Variants in MGAM observed in about 807,000 individuals in gnomAD.
MGAM encodes alpha-1,4-glucosidase.
A neutral mutation model predicts 358.8 loss-of-function variants in MGAM; 253 were observed. The ratio of observed to expected loss-of-function variants is 0.71; its 90% CI spans 0.64 to 0.78. The LOEUF is 0.78. MGAM is among the 30% of genes least tolerant of loss of function. The probability of loss-of-function intolerance (pLI) is 0.00; values close to 1 mark genes in which losing one functional copy is unlikely to be tolerated. For synonymous variants in MGAM, 1,105 were observed against 1,227.1 expected (o/e 0.90, Z 2.08); for missense variants, 3,080 against 3,432.6 (o/e 0.90, Z 2.57).
At chr7:142,070,195 G>GAA (rs34471297) in intron 43 of MGAM, among the ~76,000 whole-genome samples, 1 of 111,242 alleles carries the variant, frequency 9.0e-6, no homozygotes, top group Admixed American at 9.3e-5. Flanking sequence ...TTTGTCTCAA[G>GAA]AAAAAAAAAA....
Position 142,065,778 on chromosome 7 carries a change from C to A in MGAM, c.4717C>A (p.Gln1573Lys), listed in dbSNP as rs1157384444. The change falls in exon 40 of 71, where the codon CAG (glutamine) becomes AAG (lysine). Residue 1573 changes from glutamine to lysine, a missense_variant. Around this residue, in one of 5 missense-constraint regions of MGAM, gnomAD observed 134 missense variants for 198.4 expected, o/e 0.68. Transcript: ENST00000475668. ...AEYEMCVRWM[Q>K]LGAFYPFSRN... ...GTACGAGATGTGTGTTCGCTGGATG[C>A]AGCTGGGGGCCTTTTACCCCTTCTC... 1 of 1,556,248 alleles carries A rather than the reference C, an allele frequency of 6.4e-7. No individual in the cohort carries two copies. Among genetic ancestry groups the A allele is most frequent in the Non-Finnish European group, 8.8e-7 (1 of 1,132,676 alleles).
In MGAM at chr7:142,034,716, C is replaced by A; in HGVS notation, c.1834C>A (p.Arg612Ser). 1 of 1,613,560 alleles carries A rather than the reference C, an allele frequency of 6.2e-7. No individual in the cohort carries two copies. The highest frequency in any genetic ancestry group is 2.2e-5 in the East Asian group (1 of 44,838). ...TAATAAGAGAAGCTTCATTCTGACC[C>A]GTTCTACCTTTGCGGGCTCTGGCAA... ...FPNKRSFILT[R>S]STFAGSGKFA... Residue 612 changes from arginine (R) to serine (S), a missense_variant, in exon 16 of 71, where the codon CGT becomes AGT. By Grantham distance (110) the Arg-to-Ser change is moderately radical. This residue lies in a region of MGAM where 1,816 missense variants were observed against 1,840.5 expected (regional missense o/e 0.99). Transcript: ENST00000475668.
rs376774104 is a variant in MGAM at position 142,099,765 on chromosome 7, T to C, written c.7874+28T>C. Reference sequence around the variant, plus strand: ...AAGTGACAGGACTCAGGTTTTCCTTTACATGTCAGTTAGCTCAACAATTTG... The same window carrying C: ...AAGTGACAGGACTCAGGTTTTCCTTCACATGTCAGTTAGCTCAACAATTTG... On this transcript the variant is annotated intron_variant, in intron 67 of 70. Transcript: ENST00000475668. 4 of 1,610,766 alleles carry C rather than the reference T, an allele frequency of 2.5e-6. No individual in the cohort carries two copies. The African/African-American group carries it at 5.3e-5, about 22-fold the overall frequency.
chr7:142,096,442 G>C (rs775836717), intron 65 of MGAM, 27 bp downstream of exon 65: 2 of 1,611,766 alleles, frequency 1.2e-6, no homozygotes, highest in East Asian at 4.5e-5. Flanking sequence ...CCGATGAGGG[G>C]AGGATCCCAG....
chr7:142,063,663 A>G lies in MGAM; in HGVS notation c.4345+77A>G, dbSNP rs551160367. ...ACTGGAGGAGCCCGAGGCCAGGGGC[A>G]GCCCCACAGCTGAGGGCACATCCTC... On this transcript the variant is annotated intron_variant, in intron 36 of 70. Coordinates refer to ENST00000475668, the MANE Select transcript of MGAM (RefSeq NM_001365693.1). 1.6e-4 allele frequency: 244 copies of G among 1,495,022 alleles called. 4 individuals carry two copies. In the South Asian group the frequency reaches 2.2e-3, roughly 14 times the overall value. The allele number at this position is 1,495,022 out of a possible 1,614,324, so 92.6% of individuals were successfully genotyped here. A position where few individuals can be genotyped will look rare whatever the true frequency, so the allele number is the denominator to read the frequency against.
chr7:142,063,480 C>T lies in MGAM; in HGVS notation c.4258-19C>T. 1.2e-6 allele frequency: 2 copies of T among 1,610,958 alleles called. No individual in the cohort carries two copies. The highest frequency in any genetic ancestry group is 1.7e-6 in the Non-Finnish European group (2 of 1,178,452). ...AATTATCTTAAAAAGTGAGGTATGT[C>T]TGTGTTTGGCATTTCTAGGATATGA... On this transcript the variant is annotated intron_variant, in intron 35 of 70. Coordinates refer to ENST00000475668, the MANE Select transcript of MGAM (RefSeq NM_001365693.1).
upstream of MGAM, among the ~76,000 whole-genome samples, chr7:141,991,505 C>T (rs916605905): frequency 2.0e-5 from 3 of 151,606 alleles, no homozygotes; most frequent in East Asian, 1.9e-4. Context: ...GGCACAATCT[C>T]GGCTCACTGC....
At chr7:142,082,453 G>A in intron 51 of MGAM, 22 bp from the exon 52 acceptor site, 1 of 1,468,096 alleles carries the variant, frequency 6.8e-7, no homozygotes, top group Non-Finnish European at 9.4e-7. Flanking sequence ...AACTCCTACT[G>A]CTTCTCCCCA....
chr7:142,106,422 A>T lies in MGAM; in HGVS notation c.*531A>T, dbSNP rs1455234059. 2 of 152,372 alleles carry T rather than the reference A, an allele frequency of 1.3e-5. No individual in the cohort carries two copies. The highest frequency in any genetic ancestry group is 2.9e-5 in the Non-Finnish European group (2 of 68,144). 9.4% of individuals were successfully genotyped at this position (152,372 alleles called of 1,614,324 possible). The stretch of plus-strand genomic sequence containing the variant: ...GAAAAGGCAAACACAAGGAAAGATC[A>T]GATGAAACAGAAGATGATAGTAAAA... On this transcript the variant is annotated 3_prime_UTR_variant, in exon 71 of 71. Coordinates refer to ENST00000475668, the MANE Select transcript of MGAM (RefSeq NM_001365693.1).
Position 142,093,357 on chromosome 7 carries a change from T to C in MGAM, c.7034-55T>C, listed in dbSNP as rs1426227585. 15 of 1,495,176 alleles carry C rather than the reference T, an allele frequency of 1.0e-5. 2 individuals are homozygous for C. Among genetic ancestry groups the C allele is most frequent in the Non-Finnish European group, 1.3e-5 (14 of 1,099,026 alleles). The allele number at this position is 1,495,176 out of a possible 1,614,324, so 92.6% of individuals were successfully genotyped here. On this transcript the variant is annotated intron_variant, in intron 59 of 70. Transcript: ENST00000475668. ...CAGGGCCCAGTCCCTTGAAGAGAAG[T>C]CAGGGAGAAACAGAATCAGGGCTGG...
At chr7:142,038,816 A>G (rs1042485289) in intron 19 of MGAM, among the ~76,000 whole-genome samples, 1 of 152,142 alleles carries the variant, frequency 6.6e-6, no homozygotes, top group Non-Finnish European at 1.5e-5. Context: ...TCTCTTGATC[A>G]AGTTCCCAAC....
At position 142,081,981 on chromosome 7, in the gene MGAM, G is replaced by C. The variant is rs753061580; in HGVS notation, c.6003-61G>C. ...GTGTTCTGTTGTCCTTGAAAAGTCA[G>C]CTGCTGGAAGCAGAGAGAAAAGCCC... is the stretch of plus-strand genomic sequence containing the variant. On this transcript the variant is annotated intron_variant, in intron 50 of 70. Coordinates refer to ENST00000475668, the MANE Select transcript of MGAM (RefSeq NM_001365693.1). 229 of 1,478,506 alleles carry C rather than the reference G, an allele frequency of 1.5e-4. 28 individuals carry two copies. Among genetic ancestry groups the C allele is most frequent in the Non-Finnish European group, 2.1e-4 (222 of 1,066,706 alleles). 91.6% of individuals were successfully genotyped at this position (1,478,506 alleles called of 1,614,324 possible).
intron 59 of MGAM, 128 bp from the exon 60 acceptor site, chr7:142,093,284 G>C: frequency 8.0e-7 from 1 of 1,247,984 alleles, no homozygotes; most frequent in East Asian, 2.6e-5. Context: ...TCATGTCTCT[G>C]GGAAGACGGA....
At chr7:142,045,274 A>T (rs1400946156) in intron 21 of MGAM, among the ~76,000 whole-genome samples, 2 of 32,508 alleles carry the variant, frequency 6.2e-5, no homozygotes, top group Non-Finnish European at 7.8e-5. Context: ...TATTATATAT[A>T]CCTATAATAT....
intron 57 of MGAM, among the ~76,000 whole-genome samples, chr7:142,087,787 A>G (rs1002325485): frequency 1.4e-5 from 2 of 146,536 alleles, no homozygotes; most frequent in African/African-American, 2.4e-5. Flanking sequence ...AGTATTAATC[A>G]GACAAATATC....
At position 142,050,731 on chromosome 7, in the gene MGAM, A is replaced by G. The variant is rs1168367656; in HGVS notation, c.2672A>G (p.Tyr891Cys). 10 of 1,613,658 alleles carry G rather than the reference A, an allele frequency of 6.2e-6. No individual in the cohort carries two copies. Among genetic ancestry groups the G allele is most frequent in the Admixed American group, 1.7e-5 (1 of 59,980 alleles). ...GAGGTGAATATTTCACAATCAACCTACAAGGACCCCAATAATTTAGCATTT... is the reference window on the plus strand; with the variant it reads ...GAGGTGAATATTTCACAATCAACCTGCAAGGACCCCAATAATTTAGCATTT... Reference protein sequence around the residue: ...RLEVNISQSTYKDPNNLAFNE... With the variant: ...RLEVNISQSTCKDPNNLAFNE... The change falls in exon 24 of 71, where the codon TAC becomes TGC. Residue 891 changes from tyrosine to cysteine, a missense_variant. Physicochemically the swap from Tyr to Cys is radical, Grantham distance 194. Coordinates refer to ENST00000475668, the MANE Select transcript of MGAM (RefSeq NM_001365693.1).
In MGAM at chr7:142,082,035, G is replaced by T. The variant is rs180880401; in HGVS notation, c.6003-7G>T. ...TTCTGTTTCAAATCTGCCTTTTTGTGTTTCAGTTGGGACTCTCAGCTCCTT... is the reference window on the plus strand; with the variant it reads ...TTCTGTTTCAAATCTGCCTTTTTGTTTTTCAGTTGGGACTCTCAGCTCCTT... On this transcript the variant is annotated splice_polypyrimidine_tract_variant and splice_region_variant and intron_variant, in intron 50 of 70. Transcript: ENST00000475668. 3.9e-4 allele frequency: 599 copies of T among 1,554,470 alleles called. 23 individuals are homozygous for T. In the African/African-American group the frequency reaches 7.0e-3, roughly 18 times the overall value.
intron 21 of MGAM, among the ~76,000 whole-genome samples, chr7:142,041,514 AT>A (rs1259759541): frequency 6.6e-6 from 1 of 151,882 alleles, no homozygotes; most frequent in Non-Finnish European, 1.5e-5. Context: ...TACCAAATTA[AT>A]TTTTCCAAAA....
At chr7:142,088,996 G>GTATGTATCTATCTATCTATC (rs771119657) in intron 57 of MGAM, among the ~76,000 whole-genome samples, 8 of 118,042 alleles carry the variant, frequency 6.8e-5, no homozygotes, top group East Asian at 2.7e-4. Flanking sequence ...ATGTATGTAT[G>GTATGTATCTATCTATCTATC]TATCTATCTA....
Sources: allele counts gnomAD v4.1 joint callset (sites outside exome capture counted in the v4.1 genomes callset), GRCh38; gene constraint gnomAD v4.1.1; regional missense constraint gnomAD v4.1.1; transcripts MANE v1.5; gene names NCBI Gene and HGNC (gene_info 2026-07-23, HGNC 2026-07-21).